CRLF3: variants seen among roughly 807,000 people sequenced by gnomAD.
The protein encoded by CRLF3 is cytokine receptor like factor 3, also known as cytokine receptor-like factor 3.
Under a neutral mutation model 55.0 loss-of-function variants are expected in CRLF3, and 33 were observed. The ratio of observed to expected loss-of-function variants is 0.60; its 90% CI spans 0.46 to 0.80. The LOEUF (loss-of-function observed/expected upper bound fraction) is 0.80. CRLF3 is among the 30% of genes least tolerant of loss of function. The pLI, the probability that CRLF3 is intolerant of heterozygous loss-of-function variation, is 0.00. For missense variants in CRLF3, 494 were observed against 538.4 expected, an observed-to-expected ratio of 0.92 and a Z score of 0.82; for synonymous variants, 238 against 196.8, an observed-to-expected ratio of 1.21 and a Z score of -1.75.
intron 1 of CRLF3, among the ~76,000 whole-genome samples, chr17:30,813,606 GT>G (rs541123131): frequency 4.8e-4 from 71 of 148,192 alleles, no homozygotes; most frequent in Non-Finnish European, 6.6e-4. Flanking sequence ...TGTGCTAAGC[GT>G]TTTTTTTTTA....
At chr17:30,787,586 T>G (rs1242490408) in intron 6 of CRLF3, 1 of 152,014 alleles carries the variant, frequency 6.6e-6, no homozygotes, top group East Asian at 1.9e-4. Context: ...AAGACAGATG[T>G]GATTATTTAT....
chr17:30,813,200 T>A (rs1904678020), intron 1 of CRLF3, among the ~76,000 whole-genome samples: 1 of 152,160 alleles, frequency 6.6e-6, no homozygotes, highest in Non-Finnish European at 1.5e-5. Flanking sequence ...AGAGTGCACA[T>A]CATCAAGACC....
chr17:30,792,766 CA>C (rs1971834368), intron 5 of CRLF3, 194 bp from the exon 6 acceptor site: 1 of 467,358 alleles, frequency 2.1e-6, no homozygotes, highest in South Asian at 4.4e-5. Context: ...TATATTCCTG[CA>C]TAATTTTGAC....
chr17:30,787,523 A>C (rs905512495), intron 6 of CRLF3: 1 of 151,438 alleles, frequency 6.6e-6, no homozygotes, highest in African/African-American at 2.4e-5. Flanking sequence ...CAGAAAGCCA[A>C]CTTTGCAAGG....
At chr17:30,785,349 A>G (rs755212570) in intron 7 of CRLF3, among the ~76,000 whole-genome samples, 10 of 151,262 alleles carry the variant, frequency 6.6e-5, no homozygotes, top group Non-Finnish European at 1.2e-4. Flanking sequence ...TGCTGGGATT[A>G]GAGGCGTGAT....
At chr17:30,796,392 CAAG>C (rs1971919138) in intron 3 of CRLF3, 55 bp from the exon 4 acceptor site, 5 of 1,423,814 alleles carry the variant, frequency 3.5e-6, no homozygotes, top group Admixed American at 2.1e-5. Flanking sequence ...TTAAAAAATA[CAAG>C]AAATATTTTA....
intron 2 of CRLF3, chr17:30,803,594 C>T (rs570045635): frequency 4.3e-5 from 12 of 279,466 alleles, no homozygotes; most frequent in South Asian, 9.2e-5. Context: ...AGGAGGGACC[C>T]GGTGGGAGAT....
chr17:30,813,182 A>G (rs1392259124), intron 1 of CRLF3, among the ~76,000 whole-genome samples: 1 of 152,216 alleles, frequency 6.6e-6, no homozygotes, highest in Non-Finnish European at 1.5e-5. Context: ...TTGATTATCT[A>G]TACTAATAGA....
intron 3 of CRLF3, among the ~76,000 whole-genome samples, chr17:30,796,635 T>C (rs1732405486): frequency 6.6e-6 from 1 of 152,130 alleles, no homozygotes; most frequent in African/African-American, 2.4e-5. Flanking sequence ...TTCTTTTATA[T>C]ATTGGATTGA....
chr17:30,802,457 G>T (rs1036849860), intron 2 of CRLF3, among the ~76,000 whole-genome samples: 5 of 150,174 alleles, frequency 3.3e-5, no homozygotes, highest in African/African-American at 1.2e-4. Flanking sequence ...TTGAGACAGG[G>T]TCTTACTCTG....
chr17:30,824,495 A>T, intron 1 of CRLF3, 28 bp downstream of exon 1: 2 of 1,567,878 alleles, frequency 1.3e-6, no homozygotes, highest in South Asian at 1.1e-5. Flanking sequence ...CCGGGCCCAC[A>T]GCGCCCCTGT....
In CRLF3 at chr17:30,784,041, A is replaced by T; in HGVS notation, c.*146T>A. 1 of 694,434 alleles carries T rather than the reference A, an allele frequency of 1.4e-6. No individual in the cohort carries two copies. The allele number at this position is 694,434 out of a possible 1,614,324, so 43.0% of individuals were successfully genotyped here. A position where few individuals can be genotyped will look rare whatever the true frequency, so the allele number is the denominator to read the frequency against. On this transcript the variant is annotated 3_prime_UTR_variant, in exon 8 of 8. Coordinates refer to ENST00000324238, the MANE Select transcript of CRLF3 (RefSeq NM_015986.4). ...CACAACATTGAAGTCTCTTTTTGCT[A>T]AAATATTACAAAATGAATCCAGTAA... is the stretch of plus-strand genomic sequence containing the variant.
chr17:30,793,424 C>T (rs1345710315), intron 5 of CRLF3, 26 bp downstream of exon 5: 2 of 1,571,512 alleles, frequency 1.3e-6, no homozygotes, highest in South Asian at 1.1e-5. Context: ...AGTTAGGCTT[C>T]AGGAGAGAAA....
intron 1 of CRLF3, among the ~76,000 whole-genome samples, chr17:30,823,334 C>T (rs1905051068): frequency 6.6e-6 from 1 of 151,728 alleles, no homozygotes; most frequent in African/African-American, 2.4e-5. Context: ...CACTGCACTC[C>T]ACCCTGAGCG....
chr17:30,792,654 A>G, intron 5 of CRLF3, 82 bp from the exon 6 acceptor site: 1 of 1,306,550 alleles, frequency 7.7e-7, no homozygotes, highest in Non-Finnish European at 1.1e-6. Flanking sequence ...TAAAACATGG[A>G]AATGGGAGAC....
chr17:30,823,009 C>T (rs1459711191), intron 1 of CRLF3, among the ~76,000 whole-genome samples: 4 of 152,044 alleles, frequency 2.6e-5, no homozygotes, highest in Non-Finnish European at 4.4e-5. Context: ...ATTCTGCTTC[C>T]GGTTTCGCCA....
intron 1 of CRLF3, among the ~76,000 whole-genome samples, chr17:30,816,493 T>C (rs960737947): frequency 7.5e-5 from 11 of 145,712 alleles, no homozygotes; most frequent in African/African-American, 2.6e-4. Context: ...TCTTTCTTTT[T>C]TTTTTTTTTT....
chr17:30,785,376 C>G (rs1971618467), intron 7 of CRLF3, among the ~76,000 whole-genome samples: 2 of 151,938 alleles, frequency 1.3e-5, no homozygotes, highest in Admixed American at 1.3e-4. Flanking sequence ...CGCCCGGCCT[C>G]TGGCTAGCGA....
In CRLF3 at chr17:30,783,773, CT is replaced by C. The variant is rs1292741922; in HGVS notation, c.*413del. 1 of 163,380 alleles carries C rather than the reference CT, an allele frequency of 6.1e-6. No individual in the cohort carries two copies. The highest frequency in any genetic ancestry group is 1.3e-5 in the Non-Finnish European group (1 of 74,904). 10.1% of individuals were successfully genotyped at this position (163,380 alleles called of 1,614,324 possible). ...ACGGATGTATTAATACATTACACAGCTTCTTCTATCTGACCTATTCCTCTTG... is the reference window on the plus strand; with the variant it reads ...ACGGATGTATTAATACATTACACAGCTCTTCTATCTGACCTATTCCTCTTG... On this transcript the variant is annotated 3_prime_UTR_variant, in exon 8 of 8. Transcript: ENST00000324238.
Sources: allele counts gnomAD v4.1 joint callset (sites outside exome capture counted in the v4.1 genomes callset), GRCh38; gene constraint gnomAD v4.1.1; transcripts MANE v1.5; gene names NCBI Gene and HGNC (gene_info 2026-07-23, HGNC 2026-07-21).